Variants in PCDHA3 observed in about 807,000 individuals in gnomAD.
The protein encoded by PCDHA3 is protocadherin alpha-3.
In PCDHA3, 41 loss-of-function variants were observed where a neutral mutation model predicts 62.2. That is an observed-to-expected ratio of 0.66 (90% CI 0.51 to 0.86). PCDHA3 has a LOEUF of 0.86. PCDHA3 is among the 40% of genes least tolerant of loss of function. The pLI, the probability that PCDHA3 is intolerant of heterozygous loss-of-function variation, is 0.00. For synonymous variants in PCDHA3, 640 were observed against 555.4 expected, an observed-to-expected ratio of 1.15 and a Z score of -2.14; for missense variants, 1,304 against 1,241.2, an observed-to-expected ratio of 1.05 and a Z score of -0.76.
At chr5:140,865,092 AG>A (rs2153225895) in intron 1 of PCDHA3, 1 of 152,364 alleles carries the variant, frequency 6.6e-6, no homozygotes, top group East Asian at 1.9e-4. Context: ...ATATTAATAA[AG>A]GCACTTCCAC....
Position 140,885,215 on chromosome 5 carries a change from A to T in PCDHA3, c.2394+81624A>T, listed in dbSNP as rs564445744. Among the ~76,000 whole-genome samples the T allele has an allele frequency of 2.8e-3, 423 of 152,102 alleles. 2 individuals carry two copies. The highest frequency in any genetic ancestry group is 0.014 in the Middle Eastern group (4 of 294). On this transcript the variant is annotated intron_variant, in intron 1 of 3. Transcript: ENST00000522353. ...CCCTCTCATATATCCCATGAAAAAT[A>T]TCTTGTGATTCTGCTTTCAATTTTT... is the stretch of plus-strand genomic sequence containing the variant.
intron 1 of PCDHA3, chr5:140,821,658 G>A: frequency 8.6e-7 from 1 of 1,163,106 alleles, no homozygotes; most frequent in Non-Finnish European, 1.2e-6. Context: ...ATTTTTGGCT[G>A]TGCCAAGAAG....
At chr5:140,823,094 T>C (rs2150122248) in intron 1 of PCDHA3, 2 of 1,614,032 alleles carry the variant, frequency 1.2e-6, no homozygotes, top group Non-Finnish European at 1.7e-6. Flanking sequence ...ACCGCCAGCG[T>C]GTCTGTGGAA....
intron 1 of PCDHA3, chr5:140,882,514 C>T: frequency 2.5e-6 from 4 of 1,614,150 alleles, no homozygotes; most frequent in Non-Finnish European, 3.4e-6. Context: ...TGCAGAATGG[C>T]ATTTTGTTTG....
intron 1 of PCDHA3, among the ~76,000 whole-genome samples, chr5:140,975,301 C>A (rs943526337): frequency 2.3e-4 from 35 of 152,200 alleles, no homozygotes; most frequent in African/African-American, 8.4e-4. Flanking sequence ...TTAAAGAGCT[C>A]ATGTGATTAT....
intron 1 of PCDHA3, chr5:140,867,277 A>G (rs2153229225): frequency 6.6e-6 from 1 of 152,228 alleles, no homozygotes; most frequent in East Asian, 1.9e-4. Context: ...AATAAACCTG[A>G]TGTGCTTCAA....
chr5:140,863,055 G>T (rs570398935), intron 1 of PCDHA3: 9 of 563,522 alleles, frequency 1.6e-5, no homozygotes, highest in African/African-American at 1.3e-4. Context: ...GGCAGCACCC[G>T]TTCCACGTGG....
intron 3 of PCDHA3, among the ~76,000 whole-genome samples, chr5:140,997,165 G>A (rs1554255769): frequency 6.6e-6 from 1 of 151,976 alleles, no homozygotes; most frequent in African/African-American, 2.4e-5. Flanking sequence ...CCTGCCCAGA[G>A]TGGTACATTC....
chr5:140,841,755 C>G, intron 1 of PCDHA3: 1 of 1,613,886 alleles, frequency 6.2e-7, no homozygotes, highest in African/African-American at 1.3e-5. Context: ...GTTTCAGAAT[C>G]CAGAATGCCA....
At chr5:140,850,158 G>T (rs1189332521) in intron 1 of PCDHA3, 3 of 1,595,230 alleles carry the variant, frequency 1.9e-6, no homozygotes, top group African/African-American at 2.7e-5. Flanking sequence ...GCAGGTGTTC[G>T]TGCTGGACGA....
chr5:140,907,708 C>T (rs1477501652), intron 1 of PCDHA3, among the ~76,000 whole-genome samples: 1 of 152,142 alleles, frequency 6.6e-6, no homozygotes, highest in East Asian at 1.9e-4. Flanking sequence ...TGTTGCTGAG[C>T]CCATGTGTAA....
Position 140,869,844 on chromosome 5 carries a change from T to C in PCDHA3, c.2394+66253T>C, listed in dbSNP as rs782664707. The C allele has an allele frequency of 1.3e-5, 21 of 1,611,376 alleles. No individual in the cohort carries two copies. The South Asian group carries it at 1.7e-4, about 13-fold the overall frequency. ...ATCCAGAGTTTGATAAATCAGAATA[T>C]AAGGTGAGCCTTATGGAAAATGCTG... On this transcript the variant is annotated intron_variant, in intron 1 of 3. Transcript: ENST00000522353.
chr5:140,949,664 A>T (rs2094409163), intron 1 of PCDHA3, among the ~76,000 whole-genome samples: 1 of 151,578 alleles, frequency 6.6e-6, no homozygotes, highest in African/African-American at 2.4e-5. Context: ...TTGTTTCTTT[A>T]AAGTATGCCC....
At chr5:140,944,304 C>T (rs1383475197) in intron 1 of PCDHA3, among the ~76,000 whole-genome samples, 1 of 152,162 alleles carries the variant, frequency 6.6e-6, no homozygotes, top group Non-Finnish European at 1.5e-5. Context: ...CCTCCTACCT[C>T]AGCCTCCTGA....
At position 140,871,619 on chromosome 5, in the gene PCDHA3, A is replaced by G. The variant is rs1214249274; in HGVS notation, c.2394+68028A>G. ...ACCAGTGTTTTGAATATTGTTTTAG[A>G]TAACAATGTCTGTTCATAAAATACC... On this transcript the variant is annotated intron_variant, in intron 1 of 3. Coordinates refer to ENST00000522353, the MANE Select transcript of PCDHA3 (RefSeq NM_018906.3). 17 of 1,415,418 alleles carry G rather than the reference A, an allele frequency of 1.2e-5. No individual in the cohort carries two copies. In the Admixed American group the frequency reaches 3.9e-4, roughly 33 times the overall value. The allele number at this position is 1,415,418 out of a possible 1,614,324, so 87.7% of individuals were successfully genotyped here.
At position 140,830,276 on chromosome 5, in the gene PCDHA3, G is replaced by A. The variant is rs2150184038; in HGVS notation, c.2394+26685G>A. On this transcript the variant is annotated intron_variant, in intron 1 of 3. Transcript: ENST00000522353. The stretch of plus-strand genomic sequence containing the variant: ...GCTGCGGTGCTCGGCGCCACCCACC[G>A]AGGGCGCGTGCACGGCGGACAAGCC... The A allele has an allele frequency of 2.4e-5, 38 of 1,613,712 alleles. No individual in the cohort carries two copies. Among genetic ancestry groups the A allele is most frequent in the East Asian group, 2.2e-4 (10 of 44,876 alleles).
intron 1 of PCDHA3, chr5:140,871,206 C>T (rs781837610): frequency 2.5e-6 from 4 of 1,613,668 alleles, no homozygotes; most frequent in African/African-American, 1.3e-5. Flanking sequence ...ACCTGATCAT[C>T]GCCATCTGCG....
intron 1 of PCDHA3, chr5:140,830,234 CT>C (rs2150183232): frequency 6.2e-7 from 1 of 1,613,834 alleles, no homozygotes; most frequent in Non-Finnish European, 8.5e-7. Flanking sequence ...GGTCCTCACG[CT>C]ACTGCTGTAC....
At chr5:140,842,923 G>C in intron 1 of PCDHA3, 1 of 1,594,642 alleles carries the variant, frequency 6.3e-7, no homozygotes, top group Non-Finnish European at 8.6e-7. Context: ...TGCAGTTCCA[G>C]GTGAGCGCGC....
Sources: gnomAD v4.1 joint callset for allele counts (sites outside exome capture counted in the v4.1 genomes callset) on GRCh38, gnomAD v4.1.1 for gene constraint, MANE v1.5 for transcripts, NCBI Gene and HGNC (gene_info 2026-07-23, HGNC 2026-07-21) for gene names.